Variants in SCAPER observed in about 807,000 individuals in gnomAD.
SCAPER encodes the protein S phase cyclin A-associated protein in the endoplasmic reticulum.
SCAPER carries 98 observed loss-of-function variants against 182.2 expected under a neutral mutation model. The observed-to-expected ratio is 0.54, with a 90% confidence interval of 0.46 to 0.64. The LOEUF (loss-of-function observed/expected upper bound fraction) is 0.64, where lower values mean the gene tolerates loss of function less well. SCAPER is among the 30% of genes least tolerant of loss of function. The pLI, the probability that SCAPER is intolerant of heterozygous loss-of-function variation, is 0.00. For missense variants in SCAPER, 1,432 were observed against 1,690.0 expected, an observed-to-expected ratio of 0.85 and a Z score of 2.68; for synonymous variants, 605 against 564.6, an observed-to-expected ratio of 1.07 and a Z score of -1.01.
At chr15:76,635,702 T>C (rs2146304086) in intron 21 of SCAPER, among the ~76,000 whole-genome samples, 1 of 151,598 alleles carries the variant, frequency 6.6e-6, no homozygotes, top group East Asian at 1.9e-4. Flanking sequence ...GAGATTTTCC[T>C]AATTATCCTT....
intron 2 of SCAPER, among the ~76,000 whole-genome samples, chr15:76,870,094 A>G (rs1270229971): frequency 6.6e-6 from 1 of 152,132 alleles, no homozygotes; most frequent in Non-Finnish European, 1.5e-5. Flanking sequence ...GGCCAGGAAA[A>G]GTAGTGGAGT....
intron 21 of SCAPER, among the ~76,000 whole-genome samples, chr15:76,652,914 T>A (rs1042459974): frequency 2.0e-5 from 3 of 151,920 alleles, no homozygotes; most frequent in African/African-American, 4.8e-5. Context: ...GGTATCTAAA[T>A]AGGAAAAGAA....
At chr15:76,645,468 TA>T (rs1170139695) in intron 21 of SCAPER, among the ~76,000 whole-genome samples, 1 of 151,966 alleles carries the variant, frequency 6.6e-6, no homozygotes, top group Non-Finnish European at 1.5e-5. Context: ...CTCATAATCA[TA>T]AATATTCCAT....
In SCAPER at chr15:76,765,018, C is replaced by A; in HGVS notation, c.1668G>T (p.Gln556His). 1 of 1,603,890 alleles carries A rather than the reference C, an allele frequency of 6.2e-7. No homozygotes were observed. Among genetic ancestry groups the A allele is most frequent in the Non-Finnish European group, 8.5e-7 (1 of 1,175,364 alleles). The change falls in exon 14 of 32, where the codon CAG (glutamine) becomes CAT (histidine). Residue 556 changes from glutamine to histidine, a missense_variant. Physicochemically the swap from Gln to His is conservative, Grantham distance 24. Around this residue, in one of 5 missense-constraint regions of SCAPER, gnomAD observed 128 missense variants for 149.9 expected, o/e 0.85. Coordinates refer to ENST00000563290, the MANE Select transcript of SCAPER (RefSeq NM_020843.4). ...KHEEKQMKAQ[Q>H]LREKLREEKT... ...TCTCTTCGCGTAACTTTTCCCTTAG[C>A]TGCTGTGCTTTCATTTGTTTTTCTT...
At chr15:76,735,307 A>G (rs970245668) in intron 15 of SCAPER, among the ~76,000 whole-genome samples, 1 of 152,124 alleles carries the variant, frequency 6.6e-6, no homozygotes, top group Non-Finnish European at 1.5e-5. Flanking sequence ...CAGGAGTTAG[A>G]GGCTGCAGTG....
chr15:76,783,833 A>G (rs1326961103), intron 8 of SCAPER, among the ~76,000 whole-genome samples: 1 of 152,272 alleles, frequency 6.6e-6, no homozygotes, highest in Non-Finnish European at 1.5e-5. Context: ...AAAATTCAAC[A>G]GCACTTCATG....
intron 21 of SCAPER, among the ~76,000 whole-genome samples, chr15:76,637,798 GTA>G (rs1347235226): frequency 9.8e-5 from 13 of 132,198 alleles, no homozygotes; most frequent in South Asian, 2.3e-4. Flanking sequence ...GTGTGTGTGT[GTA>G]TGTATATATA....
intron 21 of SCAPER, among the ~76,000 whole-genome samples, chr15:76,648,470 A>G (rs1260932695): frequency 6.6e-6 from 1 of 152,200 alleles, no homozygotes; most frequent in Non-Finnish European, 1.5e-5. Flanking sequence ...CTTTTTCAAG[A>G]AACAATGGCT....
intron 5 of SCAPER, among the ~76,000 whole-genome samples, chr15:76,835,759 T>G (rs1455279499): frequency 6.6e-6 from 1 of 152,116 alleles, no homozygotes; most frequent in African/African-American, 2.4e-5. Flanking sequence ...AAGCTGTCTC[T>G]GCAGACAATA....
At chr15:76,466,191 C>T (rs2049601128) in intron 25 of SCAPER, among the ~76,000 whole-genome samples, 1 of 151,930 alleles carries the variant, frequency 6.6e-6, no homozygotes, top group Non-Finnish European at 1.5e-5. Flanking sequence ...TGTGAACTTT[C>T]CATAATGTGT....
intron 1 of SCAPER, among the ~76,000 whole-genome samples, chr15:76,885,578 G>A (rs2073796350): frequency 6.6e-6 from 1 of 152,216 alleles, no homozygotes; most frequent in Admixed American, 6.5e-5. Context: ...CTGCCTCCCT[G>A]ACTCAAGCCA....
intron 23 of SCAPER, among the ~76,000 whole-genome samples, chr15:76,524,480 T>C (rs933201385): frequency 6.6e-6 from 1 of 152,064 alleles, no homozygotes; most frequent in African/African-American, 2.4e-5. Flanking sequence ...GATGATTCCA[T>C]TAGAAACAAG....
intron 25 of SCAPER, among the ~76,000 whole-genome samples, chr15:76,437,450 C>T (rs573283166): frequency 6.6e-6 from 1 of 152,160 alleles, no homozygotes; most frequent in Non-Finnish European, 1.5e-5. Context: ...ATTAGTAAGG[C>T]CTCTCGACAG....
chr15:76,497,926 G>A (rs1003457034), intron 24 of SCAPER, among the ~76,000 whole-genome samples: 2 of 137,492 alleles, frequency 1.5e-5, no homozygotes, highest in South Asian at 2.5e-4. Context: ...CGGAAACAGA[G>A]GTTGCAGTGA....
At chr15:76,355,952 G>A (rs1377347238) in intron 29 of SCAPER, among the ~76,000 whole-genome samples, 1 of 152,214 alleles carries the variant, frequency 6.6e-6, no homozygotes, top group African/African-American at 2.4e-5. Context: ...TAGGCAGTTT[G>A]GTTACCATTG....
At chr15:76,701,928 C>T in intron 19 of SCAPER, 63 bp from the exon 20 acceptor site, 3 of 1,142,324 alleles carry the variant, frequency 2.6e-6, no homozygotes, top group South Asian at 2.5e-5. Flanking sequence ...AAACACTACA[C>T]ATTCAGTCCA....
chr15:76,566,210 C>G (rs1166950679), intron 23 of SCAPER, among the ~76,000 whole-genome samples: 1 of 152,142 alleles, frequency 6.6e-6, no homozygotes, highest in South Asian at 2.1e-4. Flanking sequence ...GGAAGAGTTT[C>G]TACCTTTCTA....
intron 23 of SCAPER, among the ~76,000 whole-genome samples, chr15:76,526,781 T>C (rs941197989): frequency 5.3e-5 from 8 of 152,146 alleles, no homozygotes; most frequent in Admixed American, 1.3e-4. Flanking sequence ...TGCCTCTTTT[T>C]TCATACTTAC....
chr15:76,700,271 G>T (rs965505519), intron 20 of SCAPER, among the ~76,000 whole-genome samples: 1 of 152,178 alleles, frequency 6.6e-6, no homozygotes, highest in Non-Finnish European at 1.5e-5. Flanking sequence ...AGCATCTCTG[G>T]CTGCCCTCCA....
Sources: allele counts gnomAD v4.1 joint callset (sites outside exome capture counted in the v4.1 genomes callset), GRCh38; gene constraint gnomAD v4.1.1; regional missense constraint gnomAD v4.1.1; transcripts MANE v1.5; gene names NCBI Gene and HGNC (gene_info 2026-07-23, HGNC 2026-07-21).